ECT2L: variants seen among roughly 807,000 people sequenced by gnomAD.
ECT2L encodes epithelial cell transforming 2 like, also known as epithelial cell-transforming sequence 2 oncogene-like.
ECT2L carries 126 observed loss-of-function variants against 122.8 expected under a neutral mutation model. The ratio of observed to expected loss-of-function variants is 1.03; its 90% CI spans 0.89 to 1.19. The LOEUF (loss-of-function observed/expected upper bound fraction) is 1.19, where lower values mean the gene tolerates loss of function less well. ECT2L is among the 50% of genes most tolerant of loss of function. The pLI is 0.00. For missense variants in ECT2L, 1,012 were observed against 1,064.1 expected (o/e 0.95, Z 0.68); for synonymous variants, 385 against 381.8 (o/e 1.01, Z -0.10).
At chr6:138,830,426 A>G (rs1776608041) in intron 4 of ECT2L, among the ~76,000 whole-genome samples, 1 of 152,176 alleles carries the variant, frequency 6.6e-6, no homozygotes, top group African/African-American at 2.4e-5. Context: ...GCTGTGTTCC[A>G]GTAACATTTT....
Position 138,876,527 on chromosome 6 carries a change from A to G in ECT2L, c.1634A>G (p.Asn545Ser), listed in dbSNP as rs1323785503. 9.3e-6 allele frequency: 15 copies of G among 1,612,926 alleles called. No individual in the cohort carries two copies. The highest frequency in any genetic ancestry group is 1.3e-5 in the Non-Finnish European group (15 of 1,179,192). ...SWDTKSRLSK[N>S]DLNFEALINL... is the part of the protein sequence containing the mutation. ...GACACAAAGTCCAGGCTCAGCAAAA[A>G]TGATTTAAATTTTGAAGCACTGATT... is the stretch of plus-strand genomic sequence containing the variant. The change falls in exon 14 of 22, where the codon AAT (asparagine) becomes AGT (serine). Residue 545 changes from asparagine to serine, a missense_variant. Asn to Ser is a conservative substitution (Grantham distance 46). Transcript: ENST00000541398.
chr6:138,843,329 ATACTCTGAG>A, intron 6 of ECT2L, 98 bp downstream of exon 6: 1 of 1,254,210 alleles, frequency 8.0e-7, no homozygotes, highest in Non-Finnish European at 1.1e-6. Context: ...GTCTTTCGGA[ATACTCTGAG>A]TGGCAGTCTT....
chr6:138,878,820 G>A (rs1309452186), intron 14 of ECT2L: 3 of 152,192 alleles, frequency 2.0e-5, no homozygotes, highest in Admixed American at 2.0e-4. Context: ...CATTAGCCAC[G>A]AATACATTAG....
At chr6:138,889,076 C>A in intron 20 of ECT2L, 45 bp downstream of exon 20, 2 of 1,084,064 alleles carry the variant, frequency 1.8e-6, no homozygotes, top group South Asian at 1.9e-5. Context: ...ACCTTCCAAG[C>A]AGGTGACTGT....
chr6:138,823,507 T>G, intron 4 of ECT2L: 1 of 1,571,552 alleles, frequency 6.4e-7, no homozygotes. Context: ...GTCACTCAAC[T>G]GCCTTATAAC....
chr6:138,897,699 AAAT>A (rs1779264171), intron 20 of ECT2L, among the ~76,000 whole-genome samples: 2 of 152,222 alleles, frequency 1.3e-5, no homozygotes, highest in Non-Finnish European at 2.9e-5. Flanking sequence ...AATCAGACTG[AAAT>A]AATAACCTCA....
intron 8 of ECT2L, among the ~76,000 whole-genome samples, chr6:138,848,751 C>T (rs1777321212): frequency 6.6e-6 from 1 of 152,130 alleles, no homozygotes; most frequent in Admixed American, 6.6e-5. Flanking sequence ...CACCTATAAT[C>T]CCAACATTTT....
chr6:138,878,355 G>C (rs990957092), intron 14 of ECT2L, among the ~76,000 whole-genome samples: 1 of 151,660 alleles, frequency 6.6e-6, no homozygotes, highest in Non-Finnish European at 1.5e-5. Context: ...ATATATTGCT[G>C]TTGTTAAAAC....
intron 9 of ECT2L, among the ~76,000 whole-genome samples, chr6:138,849,818 G>A (rs748094174): frequency 5.3e-5 from 8 of 151,842 alleles, no homozygotes; most frequent in Non-Finnish European, 1.2e-4. Context: ...CCTCTCAAAG[G>A]GCTGGGATTA....
At chr6:138,854,241 A>G in intron 10 of ECT2L, 87 bp downstream of exon 10, 3 of 1,412,844 alleles carry the variant, frequency 2.1e-6, no homozygotes, top group African/African-American at 2.9e-5. Context: ...CCTGGGTCAA[A>G]TGATTCAGTC....
At chr6:138,884,808 ATTGT>A (rs1562491813) in intron 16 of ECT2L, among the ~76,000 whole-genome samples, 2 of 152,026 alleles carry the variant, frequency 1.3e-5, no homozygotes, top group African/African-American at 2.4e-5. Context: ...TATGGATAGG[ATTGT>A]TTTTTTTCCA....
intron 14 of ECT2L, among the ~76,000 whole-genome samples, chr6:138,880,084 T>C (rs1246640164): frequency 6.6e-6 from 1 of 152,230 alleles, no homozygotes; most frequent in Admixed American, 6.5e-5. Flanking sequence ...ATACTGAAGT[T>C]AGATCCTTAA....
Position 138,885,694 on chromosome 6 carries a change from AC to A in ECT2L, c.2126del (p.Pro709HisfsTer29). 6.2e-7 allele frequency: 1 copy of A among 1,614,090 alleles called. No homozygotes were observed. The highest frequency in any genetic ancestry group is 8.5e-7 in the Non-Finnish European group (1 of 1,180,006). ...KMLSLPELLLYPSRRFEEYLN... is the reference protein window; with the variant it reads ...KMLSLPELLLXPSRRFEEYLN... ...TACAGCCTGCCAGAGCTGCTGCTGTACCCATCCCGAAGATTTGAAGAATACC... is the reference window on the plus strand; with the variant it reads ...TACAGCCTGCCAGAGCTGCTGCTGTACCATCCCGAAGATTTGAAGAATACC... On this transcript the variant is annotated frameshift_variant, in exon 18 of 22. Transcript: ENST00000541398. LOFTEE classifies it high-confidence loss of function.
chr6:138,818,207 G>A (rs1002875574), intron 4 of ECT2L, among the ~76,000 whole-genome samples: 6 of 152,108 alleles, frequency 3.9e-5, no homozygotes, highest in African/African-American at 9.7e-5. Context: ...GTGTATGTGC[G>A]TGTGCGTGTG....
intron 20 of ECT2L, among the ~76,000 whole-genome samples, chr6:138,898,859 A>C (rs909826587): frequency 3.3e-5 from 5 of 152,142 alleles, no homozygotes; most frequent in Non-Finnish European, 7.3e-5. Flanking sequence ...GATCCCTATA[A>C]CATCACGTTT....
chr6:138,876,507 A>G lies in ECT2L; in HGVS notation c.1614A>G (p.Thr538=), dbSNP rs1344219264. ...RNVVEDNSWD[T]KSRLSKNDLN... is the part of the protein sequence containing the mutation. ...TTGTAGAAGACAATTCTTGGGACACAAAGTCCAGGCTCAGCAAAAATGATT... is the reference window on the plus strand; with the variant it reads ...TTGTAGAAGACAATTCTTGGGACACGAAGTCCAGGCTCAGCAAAAATGATT... Residue 538 remains threonine (T), a synonymous_variant, in exon 14 of 22, where the codon ACA becomes ACG. Coordinates refer to ENST00000541398, the MANE Select transcript of ECT2L (RefSeq NM_001077706.3). 2 of 1,613,258 alleles carry G rather than the reference A, an allele frequency of 1.2e-6. No homozygotes were observed. The highest frequency in any genetic ancestry group is 4.5e-5 in the East Asian group (2 of 44,866).
At position 138,821,755 on chromosome 6, in the gene ECT2L, G is replaced by A. The variant is rs547403960; in HGVS notation, c.179+7152G>A. ...CATGGGACTCAACAGTGAGCAGAGC[G>A]GAAAAGGGCCTGCCCACTGCAGTTT... On this transcript the variant is annotated intron_variant, in intron 4 of 21. Transcript: ENST00000541398. Among the ~76,000 whole-genome samples the A allele has an allele frequency of 3.9e-5, 6 of 152,348 alleles. No individual in the cohort carries two copies. In the South Asian group the frequency reaches 6.2e-4, roughly 16 times the overall value.
intron 20 of ECT2L, among the ~76,000 whole-genome samples, chr6:138,894,786 T>C (rs953416255): frequency 1.3e-5 from 2 of 152,224 alleles, no homozygotes; most frequent in African/African-American, 4.8e-5. Flanking sequence ...ATGCTACTAA[T>C]TGGGGTGTAT....
intron 1 of ECT2L, among the ~76,000 whole-genome samples, chr6:138,809,251 G>A (rs1344187793): frequency 1.3e-5 from 2 of 152,088 alleles, no homozygotes; most frequent in Non-Finnish European, 2.9e-5. Flanking sequence ...GTCATGAACG[G>A]GTATTGAGGT....
Sources: allele counts gnomAD v4.1 joint callset (sites outside exome capture counted in the v4.1 genomes callset), GRCh38; gene constraint gnomAD v4.1.1; transcripts MANE v1.5; gene names NCBI Gene and HGNC (gene_info 2026-07-23, HGNC 2026-07-21).